ANO5: variants seen among roughly 807,000 people sequenced by gnomAD.
ANO5 encodes anoctamin-5.
ANO5 carries 109 observed loss-of-function variants against 121.0 expected under a neutral mutation model. That is an observed-to-expected ratio of 0.90 (90% confidence interval 0.77 to 1.06). ANO5 has a LOEUF of 1.06. ANO5 is among the 50% of genes least tolerant of loss of function. ANO5 has a pLI of 0.00. For synonymous variants in ANO5, 406 were observed against 359.9 expected (o/e 1.13, Z -1.45); for missense variants, 1,064 against 1,078.5 (o/e 0.99, Z 0.19).
intron 13 of ANO5, 152 bp downstream of exon 13, chr11:22,255,674 TG>T: frequency 1.2e-5 from 9 of 723,572 alleles, no homozygotes; most frequent in Non-Finnish European, 1.9e-5. Context: ...TATACATACA[TG>T]TATATAAATG....
chr11:22,206,910 A>G (rs1363627582), intron 2 of ANO5, among the ~76,000 whole-genome samples: 2 of 152,032 alleles, frequency 1.3e-5, no homozygotes, highest in Non-Finnish European at 2.9e-5. Context: ...TCTTGCAATA[A>G]GACAAAAAAA....
intron 3 of ANO5, among the ~76,000 whole-genome samples, chr11:22,216,726 C>T (rs1590230789): frequency 6.6e-6 from 1 of 151,742 alleles, no homozygotes; most frequent in South Asian, 2.1e-4. Flanking sequence ...TTTTATCATC[C>T]ATTCTTTTTA....
chr11:22,259,449 A>C, intron 14 of ANO5, 70 bp from the exon 15 acceptor site: 1 of 1,406,994 alleles, frequency 7.1e-7, no homozygotes, highest in African/African-American at 1.4e-5. Flanking sequence ...AGAATAATCA[A>C]TATGTTAGAT....
chr11:22,272,568 C>G (rs1452138863), intron 18 of ANO5, among the ~76,000 whole-genome samples: 1 of 152,164 alleles, frequency 6.6e-6, no homozygotes, highest in East Asian at 1.9e-4. Flanking sequence ...AGAAAGAACT[C>G]AGCCATGCAT....
chr11:22,261,988 T>A, intron 15 of ANO5, 141 bp from the exon 16 acceptor site: 1 of 716,182 alleles, frequency 1.4e-6, no homozygotes, highest in Middle Eastern at 4.0e-4. Context: ...AGTTACTTAA[T>A]ATTGGCCTAC....
intron 7 of ANO5, 65 bp from the exon 8 acceptor site, chr11:22,236,098 T>A: frequency 3.8e-6 from 4 of 1,058,098 alleles, no homozygotes; most frequent in Non-Finnish European, 5.9e-6. Flanking sequence ...AAATTGTGAT[T>A]GAAAGAAATG....
rs746829991 is a variant in ANO5, at chr11:22,279,586, C to G, written c.2563C>G (p.Pro855Ala). 2.5e-6 allele frequency: 4 copies of G among 1,612,650 alleles called. No individual in the cohort carries two copies. In the South Asian group the frequency reaches 4.4e-5, roughly 18 times the overall value. The change falls in exon 22 of 22, where the codon CCT becomes GCT. Residue 855 changes from proline to alanine, a missense_variant. Physicochemically the swap from Pro to Ala is conservative, Grantham distance 27 (BLOSUM62 -1). Transcript: ENST00000324559. ...LVKFLLAWMI[P>A]DVPKDVVERI... ...TAAATTTTTGCTGGCCTGGATGATACCTGATGTTCCAAAAGATGTTGTGGA... is the reference window on the plus strand; with the variant it reads ...TAAATTTTTGCTGGCCTGGATGATAGCTGATGTTCCAAAAGATGTTGTGGA...
In ANO5 at chr11:22,279,877, T is replaced by TC. The variant is rs1491039802; in HGVS notation, c.*112_*113insC. On this transcript the variant is annotated 3_prime_UTR_variant, in exon 22 of 22. Coordinates refer to ENST00000324559, the MANE Select transcript of ANO5 (RefSeq NM_213599.3). The stretch of plus-strand genomic sequence containing the variant: ...ATTTTACCCTTTCTTTTTTTTTTTT[T>TC]TCTTTTTTTTTTTAAACTCAAAGTT... The TC allele has an allele frequency of 2.2e-5, 14 of 644,534 alleles. No homozygotes were observed. The highest frequency in any genetic ancestry group is 4.0e-5 in the South Asian group (2 of 49,724). 39.9% of individuals were successfully genotyped at this position (644,534 alleles called of 1,614,324 possible). A position where few individuals can be genotyped will look rare whatever the true frequency, so the allele number is the denominator to read the frequency against.
Position 22,218,278 on chromosome 11 carries a change from G to T in ANO5, c.171G>T (p.Arg57=), listed in dbSNP as rs748661426. The change falls in exon 4 of 22, where the codon CGG becomes CGT. Residue 57 remains arginine, a synonymous_variant. Coordinates refer to ENST00000324559, the MANE Select transcript of ANO5 (RefSeq NM_213599.3). ...PAKRFNLFLR[R]RLMFQKNQQS... is the part of the protein sequence containing the mutation. ...AGCGATTCAATTTGTTCCTGAGGCG[G>T]CGGCTTATGGTAAAACCAGTGCTGA... is the stretch of plus-strand genomic sequence containing the variant. 1 of 1,613,388 alleles carries T rather than the reference G, an allele frequency of 6.2e-7. No homozygotes were observed. The highest frequency in any genetic ancestry group is 1.3e-5 in the African/African-American group (1 of 74,966).
chr11:22,262,344 G>A (rs757681196), intron 16 of ANO5, 46 bp downstream of exon 16: 1 of 1,584,234 alleles, frequency 6.3e-7, no homozygotes, highest in Non-Finnish European at 8.7e-7. Flanking sequence ...CAATACCTCA[G>A]TATTAACAAC....
chr11:22,257,834 TC>T (rs1366071543), intron 14 of ANO5, 80 bp downstream of exon 14: 17 of 1,196,668 alleles, frequency 1.4e-5, no homozygotes, highest in African/African-American at 1.4e-4. Context: ...ACCTACAATG[TC>T]TCTTGAGTCT....
At chr11:22,242,324 AGTTGTGTTCTTT>A (rs1379710846) in intron 9 of ANO5, among the ~76,000 whole-genome samples, 1 of 152,138 alleles carries the variant, frequency 6.6e-6, no homozygotes, top group East Asian at 1.9e-4. Flanking sequence ...TGATGCTTCC[AGTTGTGTTCTTT>A]GTTGTGTTCT....
At chr11:22,215,200 G>A (rs1852401152) in intron 3 of ANO5, among the ~76,000 whole-genome samples, 1 of 151,950 alleles carries the variant, frequency 6.6e-6, no homozygotes, top group South Asian at 2.1e-4. Context: ...AGATTTTGAA[G>A]GAGTATGGGC....
intron 8 of ANO5, among the ~76,000 whole-genome samples, chr11:22,236,477 G>A (rs1488459757): frequency 6.6e-6 from 1 of 152,048 alleles, no homozygotes; most frequent in Non-Finnish European, 1.5e-5. Flanking sequence ...GGTTTCAAAT[G>A]GACATTTATT....
chr11:22,216,371 A>G (rs562590363), intron 3 of ANO5, among the ~76,000 whole-genome samples: 2 of 152,028 alleles, frequency 1.3e-5, no homozygotes, highest in South Asian at 4.1e-4. Context: ...TGATATTGAT[A>G]GCTTTTTAAT....
intron 8 of ANO5, among the ~76,000 whole-genome samples, chr11:22,237,602 G>A (rs903709331): frequency 1.3e-5 from 2 of 152,000 alleles, no homozygotes; most frequent in Non-Finnish European, 2.9e-5. Context: ...TGTTGGCCAG[G>A]CTGTAATTGA....
chr11:22,227,187 T>C (rs751472406), intron 6 of ANO5, 115 bp from the exon 7 acceptor site: 42 of 1,405,242 alleles, frequency 3.0e-5, no homozygotes, highest in Non-Finnish European at 3.9e-5. Flanking sequence ...TTTCAAAATA[T>C]TGAAAATGCT....
At chr11:22,273,524 T>G (rs985622831) in intron 19 of ANO5, among the ~76,000 whole-genome samples, 1 of 152,086 alleles carries the variant, frequency 6.6e-6, no homozygotes, top group African/African-American at 2.4e-5. Flanking sequence ...TTAATTTAAA[T>G]GAAAGCCTGT....
intron 7 of ANO5, among the ~76,000 whole-genome samples, chr11:22,235,700 G>A (rs1165293664): frequency 6.6e-6 from 1 of 152,086 alleles, no homozygotes; most frequent in Non-Finnish European, 1.5e-5. Flanking sequence ...TGTAGAGATA[G>A]GATCACTTTG....
Sources: gnomAD v4.1 joint callset for allele counts (sites outside exome capture counted in the v4.1 genomes callset) on GRCh38, gnomAD v4.1.1 for gene constraint, MANE v1.5 for transcripts, NCBI Gene and HGNC (gene_info 2026-07-23, HGNC 2026-07-21) for gene names.